KAZN: variants seen among roughly 807,000 people sequenced by gnomAD.
KAZN encodes kazrin, periplakin interacting protein.
A neutral mutation model predicts 87.4 loss-of-function variants in KAZN; 40 were observed. The ratio of observed to expected loss-of-function variants is 0.46; its 90% CI spans 0.36 to 0.60. The LOEUF (loss-of-function observed/expected upper bound fraction) is 0.60. Ranked by LOEUF, KAZN falls within the 20% of genes least tolerant of loss-of-function variation. KAZN has a pLI of 0.00. For synonymous variants in KAZN, 466 were observed against 458.3 expected, an observed-to-expected ratio of 1.02 and a Z score of -0.22; for missense variants, 898 against 1,073.9, an observed-to-expected ratio of 0.84 and a Z score of 2.29.
chr1:14,672,377 G>A (rs939710390), intron 1 of KAZN, among the ~76,000 whole-genome samples: 3 of 152,174 alleles, frequency 2.0e-5, no homozygotes, highest in Non-Finnish European at 4.4e-5. Context: ...TGGACAGGTT[G>A]TTGTTGCATC....
Position 15,117,200 on chromosome 1 carries a change from G to A in KAZN, c.*2565G>A, listed in dbSNP as rs1390155259. The A allele has an allele frequency of 3.9e-5, 6 of 152,234 alleles. No individual in the cohort carries two copies. Among genetic ancestry groups the A allele is most frequent in the African/African-American group, 1.4e-4 (6 of 41,442 alleles). 9.4% of individuals were successfully genotyped at this position (152,234 alleles called of 1,614,324 possible). A position where few individuals can be genotyped will look rare whatever the true frequency, so the allele number is the denominator to read the frequency against. Reference sequence around the variant, plus strand: ...CAAGCTGATTGTCACAGGCTACAGAGGGGCCAGCTCCAGAACAGTGACCAG... The same window carrying A: ...CAAGCTGATTGTCACAGGCTACAGAAGGGCCAGCTCCAGAACAGTGACCAG... On this transcript the variant is annotated 3_prime_UTR_variant, in exon 15 of 15. Transcript: ENST00000376030.
chr1:14,654,777 C>A (rs1353346851), intron 1 of KAZN, among the ~76,000 whole-genome samples: 1 of 152,210 alleles, frequency 6.6e-6, no homozygotes, highest in East Asian at 1.9e-4. Context: ...GGCAGCTTCT[C>A]ACACCTCCAG....
At chr1:14,396,183 A>AAAC (rs1553166546) in intron 2 of KAZN, among the ~76,000 whole-genome samples, 6 of 151,622 alleles carry the variant, frequency 4.0e-5, no homozygotes, top group Non-Finnish European at 7.4e-5. Flanking sequence ...AAAAAAAAAA[A>AAAC]ACTGCAACAA....
intron 2 of KAZN, among the ~76,000 whole-genome samples, chr1:14,452,229 C>A (rs1667316801): frequency 6.6e-6 from 1 of 152,142 alleles, no homozygotes; most frequent in South Asian, 2.1e-4. Flanking sequence ...CATGAGCTAC[C>A]ATGCCTGGCC....
rs186778782 is a variant in KAZN, at chr1:14,721,967, A to G, written c.226+122744A>G. On this transcript the variant is annotated intron_variant, in intron 1 of 14. Transcript: ENST00000376030. ...TCAGAAGATCGAGACCAGCCTGGCC[A>G]ACATGGTGAAACCCCCTTCTCTACT... Among the ~76,000 whole-genome samples, 503 of 152,228 alleles carry G rather than the reference A, an allele frequency of 3.3e-3. 8 individuals are homozygous for G. The highest frequency in any genetic ancestry group is 0.012 in the African/African-American group (487 of 41,552).
At chr1:15,031,037 G>A (rs1434067212) in intron 2 of KAZN, among the ~76,000 whole-genome samples, 13 of 152,352 alleles carry the variant, frequency 8.5e-5, no homozygotes, top group Non-Finnish European at 1.6e-4. Flanking sequence ...GGTGTCTCCA[G>A]CTCTCTCATG....
Position 14,144,006 on chromosome 1 carries a change from C to T in KAZN, c.92-36429C>T, listed in dbSNP as rs145492787. ...GTGCTGGGATTATGGGCATGAGTCA[C>T]CGCACCTGGCCAACTAGTTTTCTAT... On this transcript the variant is annotated intron_variant, in intron 1 of 16. Transcript: ENST00000636203. Among the ~76,000 whole-genome samples the T allele has an allele frequency of 7.2e-4, 110 of 152,264 alleles. 1 individual carries two copies. The highest frequency in any genetic ancestry group is 2.5e-3 in the African/African-American group (104 of 41,542).
intron 1 of KAZN, among the ~76,000 whole-genome samples, chr1:14,934,968 G>C (rs930538392): frequency 2.0e-5 from 3 of 152,214 alleles, no homozygotes; most frequent in Non-Finnish European, 4.4e-5. Context: ...CCTTCTTCTA[G>C]CGCCGGGGGC....
At chr1:14,862,271 G>A (rs1650952130) in intron 1 of KAZN, among the ~76,000 whole-genome samples, 1 of 152,156 alleles carries the variant, frequency 6.6e-6, no homozygotes, top group Non-Finnish European at 1.5e-5. Context: ...AGGAAATGAG[G>A]AACCAGCCTT....
intron 1 of KAZN, among the ~76,000 whole-genome samples, chr1:14,870,532 G>T (rs192795126): frequency 6.6e-6 from 1 of 152,102 alleles, no homozygotes; most frequent in Admixed American, 6.5e-5. Context: ...GTAGAGACGC[G>T]GTTTCTCCAT....
intron 8 of KAZN, 32 bp downstream of exon 8, chr1:15,065,785 C>T (rs760025619): frequency 1.4e-5 from 23 of 1,611,454 alleles, no homozygotes; most frequent in Non-Finnish European, 1.8e-5. Flanking sequence ...TAGAGGAGGA[C>T]GCGGACTGGT....
intron 1 of KAZN, among the ~76,000 whole-genome samples, chr1:14,173,140 C>T (rs561921321): frequency 1.6e-4 from 25 of 152,122 alleles, no homozygotes; most frequent in African/African-American, 6.0e-4. Flanking sequence ...GGAGGAGTAG[C>T]AAAAAATTTA....
chr1:14,817,505 G>A (rs1341840126), intron 1 of KAZN, among the ~76,000 whole-genome samples: 1 of 152,120 alleles, frequency 6.6e-6, no homozygotes, highest in Non-Finnish European at 1.5e-5. Context: ...CATTACTATG[G>A]CCACCTTCTC....
At chr1:14,829,177 G>A (rs1370457280) in intron 1 of KAZN, among the ~76,000 whole-genome samples, 1 of 152,222 alleles carries the variant, frequency 6.6e-6, no homozygotes, top group Non-Finnish European at 1.5e-5. Context: ...TGACTCACGA[G>A]AAGACCATGC....
At position 14,777,972 on chromosome 1, in the gene KAZN, C is replaced by T. The variant is rs538727628; in HGVS notation, c.226+178749C>T. Among the ~76,000 whole-genome samples, 8 of 152,276 alleles carry T rather than the reference C, an allele frequency of 5.3e-5. No individual in the cohort carries two copies. The South Asian group carries it at 1.7e-3, about 32-fold the overall frequency. On this transcript the variant is annotated intron_variant, in intron 1 of 14. Transcript: ENST00000376030. ...GCCATGAGGACGATCAAAGGTCACTCTCGCCACCATCTTGGTTTTGGTGGG... is the reference window on the plus strand; with the variant it reads ...GCCATGAGGACGATCAAAGGTCACTTTCGCCACCATCTTGGTTTTGGTGGG...
chr1:14,431,482 G>T (rs1452927673), intron 2 of KAZN, among the ~76,000 whole-genome samples: 1 of 152,166 alleles, frequency 6.6e-6, no homozygotes, highest in African/African-American at 2.4e-5. Context: ...CCACTTGCTT[G>T]AATTGAAGAA....
chr1:14,296,297 A>G (rs752157131), intron 2 of KAZN, among the ~76,000 whole-genome samples: 2 of 152,204 alleles, frequency 1.3e-5, no homozygotes, highest in Non-Finnish European at 2.9e-5. Context: ...AGACGTGACA[A>G]TGTAATTATT....
intron 1 of KAZN, among the ~76,000 whole-genome samples, chr1:14,164,311 A>G (rs1645772573): frequency 6.6e-6 from 1 of 152,128 alleles, no homozygotes; most frequent in Admixed American, 6.5e-5. Flanking sequence ...ATGCCTTTAG[A>G]TGGCACATTC....
chr1:14,757,299 C>T (rs1011981048), intron 1 of KAZN, among the ~76,000 whole-genome samples: 4 of 152,350 alleles, frequency 2.6e-5, no homozygotes, highest in Non-Finnish European at 2.9e-5. Context: ...CTGCCTGCTC[C>T]TGCTTTCTCT....
Sources: gnomAD v4.1 joint callset for allele counts (sites outside exome capture counted in the v4.1 genomes callset) on GRCh38, gnomAD v4.1.1 for gene constraint, MANE v1.5 for transcripts, NCBI Gene and HGNC (gene_info 2026-07-23, HGNC 2026-07-21) for gene names.